Variants in CSMD2 observed in about 807,000 individuals in gnomAD.
CSMD2 encodes CUB and sushi domain-containing protein 2.
A neutral mutation model predicts 398.5 loss-of-function variants in CSMD2; 130 were observed. That is an observed-to-expected ratio of 0.33 (90% CI 0.28 to 0.38). CSMD2 has a LOEUF of 0.38. Among genes scored for constraint, CSMD2 ranks in the 10% least tolerant of loss-of-function variants. CSMD2 has a pLI of 1.00. For synonymous variants in CSMD2, 1,828 were observed against 1,908.5 expected, an observed-to-expected ratio of 0.96 and a Z score of 1.10; for missense variants, 3,829 against 4,764.9, an observed-to-expected ratio of 0.80 and a Z score of 5.78.
chr1:33,690,078 G>A lies in CSMD2; in HGVS notation c.4052+2852C>T, dbSNP rs116497387. 8.8e-3 allele frequency among the ~76,000 whole-genome samples: 1,338 copies of A among 152,136 alleles called. 15 individuals carry two copies. Among genetic ancestry groups the A allele is most frequent in the South Asian group, 0.056 (270 of 4,816 alleles). ...CTCACTGCGCTTACCGGCCCAGCCCGTCCCACTCCGCCCATTCTCCTCCAA... is the reference window on the plus strand; with the variant it reads ...CTCACTGCGCTTACCGGCCCAGCCCATCCCACTCCGCCCATTCTCCTCCAA... On this transcript the variant is annotated intron_variant, in intron 25 of 70. Coordinates refer to ENST00000373381, the MANE Select transcript of CSMD2 (RefSeq NM_001281956.2).
At chr1:33,540,194 G>A (rs1370794896) in intron 60 of CSMD2, among the ~76,000 whole-genome samples, 1 of 151,836 alleles carries the variant, frequency 6.6e-6, no homozygotes, top group African/African-American at 2.4e-5. Context: ...CATGAAAACA[G>A]ACATGTATAT....
chr1:34,158,974 C>A (rs1021819283), intron 1 of CSMD2, among the ~76,000 whole-genome samples: 2 of 152,124 alleles, frequency 1.3e-5, no homozygotes, highest in Admixed American at 6.5e-5. Flanking sequence ...TTGAAGATGC[C>A]CCTTAACCCG....
At chr1:33,854,863 G>T (rs144308259) in intron 5 of CSMD2, among the ~76,000 whole-genome samples, 1 of 152,272 alleles carries the variant, frequency 6.6e-6, no homozygotes, top group African/African-American at 2.4e-5. Context: ...GGCTGTTGCC[G>T]GGATGAGGGC....
intron 1 of CSMD2, among the ~76,000 whole-genome samples, chr1:34,102,313 A>G (rs1022186337): frequency 2.6e-5 from 4 of 152,216 alleles, no homozygotes; most frequent in African/African-American, 9.6e-5. Flanking sequence ...TACAGGCGTG[A>G]GCCACCGCAC....
At chr1:34,152,121 G>C (rs1640382511) in intron 1 of CSMD2, among the ~76,000 whole-genome samples, 1 of 152,182 alleles carries the variant, frequency 6.6e-6, no homozygotes, top group South Asian at 2.1e-4. Flanking sequence ...AAACTGCTGG[G>C]ATGAGAGGCA....
intron 1 of CSMD2, among the ~76,000 whole-genome samples, chr1:34,160,025 G>A (rs563195165): frequency 3.4e-4 from 52 of 152,172 alleles, no homozygotes; most frequent in Non-Finnish European, 6.5e-4. Context: ...AAGGCTCTGC[G>A]GAGCAATCAG....
intron 3 of CSMD2, among the ~76,000 whole-genome samples, chr1:34,006,287 T>C (rs1647051734): frequency 1.3e-5 from 2 of 152,242 alleles, no homozygotes; most frequent in South Asian, 2.1e-4. Flanking sequence ...GCCTAGAGGA[T>C]GGGGATGCTG....
chr1:33,823,861 CTT>C (rs1658477609), intron 7 of CSMD2, among the ~76,000 whole-genome samples: 1 of 152,182 alleles, frequency 6.6e-6, no homozygotes, highest in Non-Finnish European at 1.5e-5. Flanking sequence ...CAGGGTTTCT[CTT>C]TATCTTCCTG....
chr1:34,069,130 C>A (rs1655437208), intron 2 of CSMD2, among the ~76,000 whole-genome samples: 1 of 152,178 alleles, frequency 6.6e-6, no homozygotes. Context: ...CCCCCAGGGC[C>A]TCATAAATGT....
At chr1:34,142,360 C>A (rs572738118) in intron 1 of CSMD2, among the ~76,000 whole-genome samples, 51 of 152,200 alleles carry the variant, frequency 3.4e-4, no homozygotes, top group Admixed American at 3.3e-4. Context: ...CGGCTCTTCT[C>A]TGCCCCCTCA....
In CSMD2 at chr1:33,541,310, C is replaced by A; in HGVS notation, c.9278-1G>T. 1 of 1,613,462 alleles carries A rather than the reference C, an allele frequency of 6.2e-7. No individual in the cohort carries two copies. The highest frequency in any genetic ancestry group is 8.5e-7 in the Non-Finnish European group (1 of 1,179,478). ...ATCCCAGGGTCACCACAGTTTATGA[C>A]TAGGATAAGAGAGATATAGCATTGT... On this transcript the variant is annotated splice_acceptor_variant, in intron 58 of 70. Coordinates refer to ENST00000373381, the MANE Select transcript of CSMD2 (RefSeq NM_001281956.2). LOFTEE classifies it high-confidence loss of function.
chr1:33,816,860 C>A (rs753853099), intron 9 of CSMD2, among the ~76,000 whole-genome samples: 1 of 152,092 alleles, frequency 6.6e-6, no homozygotes, highest in Non-Finnish European at 1.5e-5. Context: ...ATTTGCCAGG[C>A]CCCATGTTTT....
intron 3 of CSMD2, among the ~76,000 whole-genome samples, chr1:33,966,120 G>T (rs936132592): frequency 1.3e-5 from 2 of 152,162 alleles, no homozygotes. Context: ...AAATCTTACA[G>T]GACAGGAAAC....
intron 19 of CSMD2, among the ~76,000 whole-genome samples, 194 bp downstream of exon 19, chr1:33,724,003 C>T (rs1449926368): frequency 6.6e-6 from 1 of 152,090 alleles, no homozygotes; most frequent in African/African-American, 2.4e-5. Flanking sequence ...AGAATCTCAA[C>T]AATACTTATT....
At chr1:33,539,950 C>T (rs546098915) in intron 60 of CSMD2, among the ~76,000 whole-genome samples, 206 of 152,250 alleles carry the variant, frequency 1.4e-3, no homozygotes, top group Non-Finnish European at 2.7e-3. Context: ...TAGAAAAATA[C>T]GTCCTACTGT....
intron 1 of CSMD2, among the ~76,000 whole-genome samples, chr1:34,152,857 C>T (rs371107396): frequency 1.3e-5 from 2 of 152,188 alleles, no homozygotes; most frequent in East Asian, 3.8e-4. Context: ...AACTGAAAGT[C>T]AGTGCCCATT....
intron 44 of CSMD2, among the ~76,000 whole-genome samples, chr1:33,588,857 C>G (rs1025691498): frequency 6.6e-6 from 1 of 152,096 alleles, no homozygotes; most frequent in Non-Finnish European, 1.5e-5. Flanking sequence ...TTACAATGAA[C>G]AGCATGGAGT....
chr1:33,874,052 T>G (rs1570356694), intron 5 of CSMD2, among the ~76,000 whole-genome samples: 1 of 152,212 alleles, frequency 6.6e-6, no homozygotes, highest in African/African-American at 2.4e-5. Context: ...GTTCCCATAA[T>G]AGCTTATGTA....
Position 33,836,971 on chromosome 1 carries a change from G to A in CSMD2, c.1033+9913C>T, listed in dbSNP as rs529704103. ...TGCGTCGCTCACGCTGGGAGCTGTA[G>A]ACTGGAGCTGTTCCTATTCGGCCAT... is the stretch of plus-strand genomic sequence containing the variant. On this transcript the variant is annotated intron_variant, in intron 6 of 70. Transcript: ENST00000373381. 3.9e-5 allele frequency among the ~76,000 whole-genome samples: 6 copies of A among 152,330 alleles called. No homozygotes were observed. In the South Asian group the frequency reaches 1.2e-3, roughly 32 times the overall value.
Sources: allele counts gnomAD v4.1 joint callset (sites outside exome capture counted in the v4.1 genomes callset), GRCh38; gene constraint gnomAD v4.1.1; transcripts MANE v1.5; gene names NCBI Gene and HGNC (gene_info 2026-07-23, HGNC 2026-07-21).